RPL36AL: variants seen among roughly 807,000 people sequenced by gnomAD.
RPL36AL encodes ribosomal protein L36a like.
RPL36AL carries 8 observed loss-of-function variants against 7.9 expected under a neutral mutation model. That is an observed-to-expected ratio of 1.02 (90% CI 0.60 to 1.84). The LOEUF is 1.84. Among genes scored for constraint, RPL36AL ranks in the 40% most tolerant of loss-of-function variants. RPL36AL has a pLI of 0.00. For missense variants in RPL36AL, 76 were observed against 126.8 expected (o/e 0.60, Z 1.93); for synonymous variants, 44 against 44.8 (o/e 0.98, Z 0.07).
At position 49,619,026 on chromosome 14, in the gene RPL36AL, T is replaced by C. The variant is rs1882749970; in HGVS notation, c.79A>G (p.Lys27Glu). 5.0e-6 allele frequency: 8 copies of C among 1,613,996 alleles called. No homozygotes were observed. The South Asian group carries it at 8.8e-5, about 18-fold the overall frequency. The change falls in exon 2 of 2, where the codon AAG (lysine) becomes GAG (glutamate). Residue 27 changes from lysine (K) to glutamate (E), a missense_variant. By Grantham distance (56) the Lys-to-Glu change is moderately conservative (BLOSUM62 1). Coordinates refer to ENST00000298289, the MANE Select transcript of RPL36AL (RefSeq NM_001001.5). ...GCATACAAAGAATCCTTGCCCTTCT[T>C]ATACTGTGTCACTTTGTGAGGCTGA... ...KHQPHKVTQY[K>E]KGKDSLYAQG...
At chr14:49,619,377 G>A in intron 1 of RPL36AL, among the ~76,000 whole-genome samples, 1 of 152,200 alleles carries the variant, frequency 6.6e-6, no homozygotes, top group East Asian at 1.9e-4. Context: ...GCCGAGCACG[G>A]TGGCTCATGC....
chr14:49,619,351 A>G (rs768867705), intron 1 of RPL36AL, among the ~76,000 whole-genome samples: 3 of 152,204 alleles, frequency 2.0e-5, no homozygotes, highest in Admixed American at 6.5e-5. Context: ...TTGTCGACCT[A>G]AAGAACTGAG....
chr14:49,620,017 T>C (rs1413884092), intron 1 of RPL36AL, among the ~76,000 whole-genome samples: 2 of 152,116 alleles, frequency 1.3e-5, no homozygotes, highest in African/African-American at 4.8e-5. Context: ...TCTTTTCTCA[T>C]ATAGAACAAG....
intron 1 of RPL36AL, 119 bp from the exon 2 acceptor site, chr14:49,619,259 G>A (rs1303330155): frequency 1.4e-5 from 9 of 624,604 alleles, no homozygotes; most frequent in South Asian, 8.7e-5. Flanking sequence ...AATCCACCAC[G>A]TACTCTTTTT....
At position 49,618,999 on chromosome 14, in the gene RPL36AL, G is replaced by A. The variant is rs1204183284; in HGVS notation, c.106C>T (p.Gln36Ter). The change falls in exon 2 of 2, where the codon CAG becomes TAG. Residue 36 changes from glutamine to a stop codon, truncating the protein, a stop_gained. Transcript: ENST00000298289. LOFTEE classifies it high-confidence loss of function. ...TTCCGATCATAGCGCCTCCTTCCCT[G>A]GGCATACAAAGAATCCTTGCCCTTC... The part of the protein sequence containing the change: ...YKKGKDSLYA[Q>*]GRRRYDRKQS... 3 of 1,613,770 alleles carry A rather than the reference G, an allele frequency of 1.9e-6. No individual in the cohort carries two copies. Among genetic ancestry groups the A allele is most frequent in the Non-Finnish European group, 2.5e-6 (3 of 1,179,874 alleles).
Position 49,618,554 on chromosome 14 carries a change from A to G in RPL36AL, c.*230T>C. On this transcript the variant is annotated 3_prime_UTR_variant, in exon 2 of 2. Coordinates refer to ENST00000298289, the MANE Select transcript of RPL36AL (RefSeq NM_001001.5). The stretch of plus-strand genomic sequence containing the variant: ...CTCAATGTTTATGAATTCATTCAAC[A>G]TTTGAAATTGACCAGAAAACAAAAA... 1 of 523,734 alleles carries G rather than the reference A, an allele frequency of 1.9e-6. No individual in the cohort carries two copies. Among genetic ancestry groups the G allele is most frequent in the African/African-American group, 1.9e-5 (1 of 52,250 alleles). 32.4% of individuals were successfully genotyped at this position (523,734 alleles called of 1,614,324 possible).
Position 49,618,738 on chromosome 14 carries a change from G to A in RPL36AL, c.*46C>T. The A allele has an allele frequency of 6.7e-7, 1 of 1,498,086 alleles. No individual in the cohort carries two copies. The highest frequency in any genetic ancestry group is 9.1e-7 in the Non-Finnish European group (1 of 1,093,602). 92.8% of individuals were successfully genotyped at this position (1,498,086 alleles called of 1,614,324 possible). On this transcript the variant is annotated 3_prime_UTR_variant, in exon 2 of 2. Transcript: ENST00000298289. ...ATTTTCCCTCGGGTAACTTTTCTAT[G>A]GCTTCACCATTTTCTCTTCAAAATT...
chr14:49,618,976 C>T lies in RPL36AL; in HGVS notation c.129G>A (p.Arg43=), dbSNP rs767307965. 1.2e-6 allele frequency: 2 copies of T among 1,613,982 alleles called. No individual in the cohort carries two copies. The highest frequency in any genetic ancestry group is 1.7e-5 in the Admixed American group (1 of 60,020). Residue 43 remains arginine (R), a synonymous_variant, in exon 2 of 2, where the codon CGG becomes CGA. Transcript: ENST00000298289. ...LYAQGRRRYD[R]KQSGYGGQTK... ...TCTGCCCACCATAGCCACTCTGCTT[C>T]CGATCATAGCGCCTCCTTCCCTGGG...
rs369588153 is a variant in RPL36AL, at chr14:49,619,115, G to A, written c.-11C>T. 4 of 1,595,748 alleles carry A rather than the reference G, an allele frequency of 2.5e-6. No individual in the cohort carries two copies. The highest frequency in any genetic ancestry group is 2.2e-5 in the East Asian group (1 of 44,640). On this transcript the variant is annotated 5_prime_UTR_variant, in exon 2 of 2. Coordinates refer to ENST00000298289, the MANE Select transcript of RPL36AL (RefSeq NM_001001.5). Reference sequence around the variant, plus strand: ...AGGTACGTTGACCATCTTTGCAGCAGGGCTGTTTTGTCTATATGATGAAAA... The same window carrying A: ...AGGTACGTTGACCATCTTTGCAGCAAGGCTGTTTTGTCTATATGATGAAAA...
At chr14:49,619,242 A>C (rs1382205497) in intron 1 of RPL36AL, 102 bp from the exon 2 acceptor site, 1 of 687,244 alleles carries the variant, frequency 1.5e-6, no homozygotes, top group African/African-American at 1.8e-5. Context: ...TAAATGAGTA[A>C]TATATAAATC....
chr14:49,619,172 A>C, intron 1 of RPL36AL, 32 bp from the exon 2 acceptor site: 1 of 1,426,238 alleles, frequency 7.0e-7, no homozygotes, highest in Non-Finnish European at 9.5e-7. Flanking sequence ...AAGATAGCAG[A>C]CGTTAAACAT....
At position 49,620,613 on chromosome 14, in the gene RPL36AL, T is replaced by C. The variant is rs959544022; in HGVS notation, c.-88A>G. On this transcript the variant is annotated 5_prime_UTR_variant, in exon 1 of 2. Coordinates refer to ENST00000298289, the MANE Select transcript of RPL36AL (RefSeq NM_001001.5). ...CTTCGCAGCTCTCGCCTTTCGCAGC[T>C]CTCGCCTAACAGGAAAGGGAAGAAA... is the stretch of plus-strand genomic sequence containing the variant. 2 of 236,956 alleles carry C rather than the reference T, an allele frequency of 8.4e-6. No individual in the cohort carries two copies. Among genetic ancestry groups the C allele is most frequent in the African/African-American group, 4.5e-5 (2 of 44,040 alleles). The allele number at this position is 236,956 out of a possible 1,614,324, so 14.7% of individuals were successfully genotyped here.
intron 1 of RPL36AL, among the ~76,000 whole-genome samples, chr14:49,620,151 AAAGG>A (rs1250384073): frequency 6.6e-6 from 1 of 152,162 alleles, no homozygotes; most frequent in Non-Finnish European, 1.5e-5. Flanking sequence ...TTTCTTCCGA[AAAGG>A]AAGTTAAGGA....
chr14:49,618,708 T>A lies in RPL36AL; in HGVS notation c.*76A>T. On this transcript the variant is annotated 3_prime_UTR_variant, in exon 2 of 2. Transcript: ENST00000298289. ...AAAAGTTTGCGTAAGAATATCACTG[T>A]ATTTATTTTCCCTCGGGTAACTTTT... 1 of 1,210,102 alleles carries A rather than the reference T, an allele frequency of 8.3e-7. No individual in the cohort carries two copies. The highest frequency in any genetic ancestry group is 1.2e-6 in the Non-Finnish European group (1 of 848,458). 75.0% of individuals were successfully genotyped at this position (1,210,102 alleles called of 1,614,324 possible). A position where few individuals can be genotyped will look rare whatever the true frequency, so the allele number is the denominator to read the frequency against.
chr14:49,619,885 G>A (rs1882783176), intron 1 of RPL36AL, among the ~76,000 whole-genome samples: 1 of 152,154 alleles, frequency 6.6e-6, no homozygotes. Context: ...GGGTGAAGCA[G>A]CTAGTCAGGA....
intron 1 of RPL36AL, among the ~76,000 whole-genome samples, chr14:49,619,893 G>C (rs1382044129): frequency 6.6e-6 from 1 of 152,130 alleles, no homozygotes; most frequent in African/African-American, 2.4e-5. Context: ...CAGCTAGTCA[G>C]GAATAAAATG....
At chr14:49,619,904 C>T (rs569124616) in intron 1 of RPL36AL, among the ~76,000 whole-genome samples, 1 of 152,190 alleles carries the variant, frequency 6.6e-6, no homozygotes, top group South Asian at 2.1e-4. Flanking sequence ...GAATAAAATG[C>T]CAGGCATTAA....
intron 1 of RPL36AL, among the ~76,000 whole-genome samples, 180 bp downstream of exon 1, chr14:49,620,382 C>A (rs938002724): frequency 3.9e-5 from 6 of 152,236 alleles, no homozygotes; most frequent in South Asian, 4.1e-4. Context: ...CGGCGCGCCC[C>A]GCGATTCTAT....
chr14:49,619,538 C>A (rs770322479), intron 1 of RPL36AL, among the ~76,000 whole-genome samples: 2 of 143,796 alleles, frequency 1.4e-5, no homozygotes, highest in Admixed American at 1.4e-4. Flanking sequence ...TAAGGAGAAT[C>A]GCTTGGGCGG....
Sources: allele counts gnomAD v4.1 joint callset (sites outside exome capture counted in the v4.1 genomes callset), GRCh38; gene constraint gnomAD v4.1.1; transcripts MANE v1.5; gene names NCBI Gene and HGNC (gene_info 2026-07-23, HGNC 2026-07-21).